LRMDA: variants seen among roughly 807,000 people sequenced by gnomAD.
LRMDA encodes the protein leucine-rich melanocyte differentiation-associated protein.
A neutral mutation model predicts 29.8 loss-of-function variants in LRMDA; 18 were observed. That is an observed-to-expected ratio of 0.60 (90% CI 0.42 to 0.90). LRMDA has a LOEUF of 0.90. Ranked by LOEUF, LRMDA falls within the 40% of genes least tolerant of loss-of-function variation. The pLI, the probability that LRMDA is intolerant of heterozygous loss-of-function variation, is 0.00. For missense variants in LRMDA, 273 were observed against 273.9 expected, an observed-to-expected ratio of 1.00 and a Z score of 0.02; for synonymous variants, 125 against 109.4, an observed-to-expected ratio of 1.14 and a Z score of -0.89.
intron 2 of LRMDA, among the ~76,000 whole-genome samples, chr10:76,021,068 A>G (rs760276893): frequency 2.6e-5 from 4 of 152,250 alleles, no homozygotes; most frequent in Non-Finnish European, 5.9e-5. Context: ...TATTGTGCCC[A>G]TGGTCACAGA....
intron 6 of LRMDA, among the ~76,000 whole-genome samples, chr10:76,434,970 C>G (rs950539170): frequency 6.6e-6 from 1 of 152,164 alleles, no homozygotes; most frequent in African/African-American, 2.4e-5. Flanking sequence ...AATTAAGATA[C>G]AGACCCTTCT....
intron 2 of LRMDA, among the ~76,000 whole-genome samples, chr10:75,525,226 G>A (rs149809108): frequency 2.0e-5 from 3 of 152,240 alleles, no homozygotes; most frequent in East Asian, 3.9e-4. Context: ...GGCCTTTGGC[G>A]GTTATTTGCT....
At chr10:75,514,825 T>C (rs1845271596) in intron 2 of LRMDA, among the ~76,000 whole-genome samples, 1 of 152,046 alleles carries the variant, frequency 6.6e-6, no homozygotes, top group South Asian at 2.1e-4. Flanking sequence ...CTCTTTTCTT[T>C]ATAAATTACC....
chr10:75,977,219 T>C (rs1239098531), intron 2 of LRMDA, among the ~76,000 whole-genome samples: 1 of 152,154 alleles, frequency 6.6e-6, no homozygotes, highest in Non-Finnish European at 1.5e-5. Flanking sequence ...CAAGTTTTAT[T>C]AAATGAGTTA....
intron 2 of LRMDA, among the ~76,000 whole-genome samples, chr10:75,682,256 AG>A (rs1459084426): frequency 1.3e-5 from 2 of 152,242 alleles, no homozygotes; most frequent in Non-Finnish European, 2.9e-5. Flanking sequence ...TGGGTTCTAA[AG>A]AATCTGGCAC....
At position 75,691,258 on chromosome 10, in the gene LRMDA, A is replaced by ATG. The variant is rs200122749; in HGVS notation, c.131+252768_131+252769dup. Among the ~76,000 whole-genome samples the ATG allele has an allele frequency of 6.7e-3, 860 of 127,766 alleles. 13 individuals carry two copies. Among genetic ancestry groups the ATG allele is most frequent in the African/African-American group, 0.034 (796 of 23,304 alleles). The allele number at this position is 127,766 out of a possible 152,430, so 83.8% of individuals were successfully genotyped here. The stretch of plus-strand genomic sequence containing the variant: ...TGTGTGTGTGTATGTATGTATGTAT[A>ATG]TGTGTATATATATATATATATCTTT... On this transcript the variant is annotated intron_variant, in intron 2 of 6. Transcript: ENST00000611255.
chr10:76,322,667 C>T (rs1840785732), intron 5 of LRMDA, among the ~76,000 whole-genome samples: 1 of 152,210 alleles, frequency 6.6e-6, no homozygotes, highest in African/African-American at 2.4e-5. Context: ...AAATTGTCAA[C>T]AGCCCAAATT....
chr10:75,855,035 C>A (rs960065937), intron 2 of LRMDA, among the ~76,000 whole-genome samples: 2 of 152,172 alleles, frequency 1.3e-5, no homozygotes, highest in Non-Finnish European at 2.9e-5. Flanking sequence ...CATACGTGTG[C>A]ATGTGTCTTT....
intron 5 of LRMDA, among the ~76,000 whole-genome samples, chr10:76,273,947 A>G (rs1049776114): frequency 5.9e-5 from 9 of 152,072 alleles, no homozygotes; most frequent in African/African-American, 2.2e-4. Context: ...TCTTTTATGG[A>G]TTTTTACATA....
Position 75,793,338 on chromosome 10 carries a change from T to C in LRMDA, c.132-242670T>C, listed in dbSNP as rs956418009. ...TAGATCCATTAGGAAAGCAGTGTAC[T>C]GGGTTGCTCTAACAAGTGAGAGGGG... On this transcript the variant is annotated intron_variant, in intron 2 of 6. Transcript: ENST00000611255. Among the ~76,000 whole-genome samples, 7 of 152,176 alleles carry C rather than the reference T, an allele frequency of 4.6e-5. No homozygotes were observed. In the East Asian group the frequency reaches 7.7e-4, roughly 17 times the overall value.
intron 5 of LRMDA, among the ~76,000 whole-genome samples, chr10:76,100,227 C>G (rs1849375095): frequency 6.6e-6 from 1 of 152,066 alleles, no homozygotes; most frequent in African/African-American, 2.4e-5. Flanking sequence ...CTTAGTTCAG[C>G]TAAAACCAGG....
chr10:75,948,941 C>A (rs2132417780), intron 2 of LRMDA, among the ~76,000 whole-genome samples: 1 of 151,848 alleles, frequency 6.6e-6, no homozygotes, highest in South Asian at 2.1e-4. Context: ...TTCAGTAACA[C>A]AAGCATAAGA....
At chr10:75,756,817 A>G (rs1216061241) in intron 2 of LRMDA, among the ~76,000 whole-genome samples, 3 of 152,204 alleles carry the variant, frequency 2.0e-5, no homozygotes, top group Non-Finnish European at 4.4e-5. Context: ...CTGGATTCCA[A>G]CTTTGGTTCA....
intron 2 of LRMDA, among the ~76,000 whole-genome samples, chr10:75,764,056 A>G (rs550687038): frequency 1.6e-3 from 242 of 152,250 alleles, no homozygotes; most frequent in African/African-American, 5.6e-3. Context: ...GGTCGCATGG[A>G]GACCCGGCTG....
intron 6 of LRMDA, among the ~76,000 whole-genome samples, chr10:76,381,546 G>T (rs1841592451): frequency 6.6e-6 from 1 of 152,032 alleles, no homozygotes; most frequent in Non-Finnish European, 1.5e-5. Context: ...AAGCCCTTGT[G>T]GAGTGTCCCT....
chr10:76,420,404 T>C (rs1276863855), intron 6 of LRMDA, among the ~76,000 whole-genome samples: 1 of 152,022 alleles, frequency 6.6e-6, no homozygotes, highest in African/African-American at 2.4e-5. Context: ...TCTGATATTG[T>C]AATTTGGTAC....
At chr10:75,489,049 T>C (rs1844951300) in intron 2 of LRMDA, among the ~76,000 whole-genome samples, 1 of 152,066 alleles carries the variant, frequency 6.6e-6, no homozygotes, top group Non-Finnish European at 1.5e-5. Flanking sequence ...ATAAATTACA[T>C]AGGTTACAAC....
chr10:76,540,341 C>G (rs1447869489), intron 6 of LRMDA, among the ~76,000 whole-genome samples: 1 of 151,070 alleles, frequency 6.6e-6, no homozygotes, highest in East Asian at 1.9e-4. Context: ...AAAAAATTCC[C>G]AAGACATTGT....
chr10:76,114,702 A>G (rs1286793541), intron 5 of LRMDA, among the ~76,000 whole-genome samples: 1 of 152,198 alleles, frequency 6.6e-6, no homozygotes, highest in Non-Finnish European at 1.5e-5. Context: ...CTCCCCTGCC[A>G]GATGAGAGAT....
Sources: allele counts gnomAD v4.1 joint callset (sites outside exome capture counted in the v4.1 genomes callset), GRCh38; gene constraint gnomAD v4.1.1; transcripts MANE v1.5; gene names NCBI Gene and HGNC (gene_info 2026-07-23, HGNC 2026-07-21).